IFNAR1: variants seen among roughly 807,000 people sequenced by gnomAD.
IFNAR1 encodes the protein interferon alpha/beta receptor 1.
In IFNAR1, 47 loss-of-function variants were observed where a neutral mutation model predicts 62.1. The observed-to-expected ratio is 0.76, with a 90% CI of 0.60 to 0.97. The LOEUF (loss-of-function observed/expected upper bound fraction) is 0.97. Among genes scored for constraint, IFNAR1 ranks in the 50% least tolerant of loss-of-function variants. IFNAR1 has a pLI of 0.00. For synonymous variants in IFNAR1, 219 were observed against 226.9 expected (o/e 0.97, Z 0.31); for missense variants, 638 against 654.5 (o/e 0.97, Z 0.27).
At chr21:33,347,689 T>A (rs187143793) in intron 6 of IFNAR1, among the ~76,000 whole-genome samples, 1 of 152,210 alleles carries the variant, frequency 6.6e-6, no homozygotes, top group East Asian at 1.9e-4. Context: ...TGCCACTTAA[T>A]GTAACCTAAT....
rs964870893 is a variant in IFNAR1 at position 33,358,620 on chromosome 21, C to T, written c.*3071C>T. The T allele has an allele frequency of 2.0e-5, 3 of 151,970 alleles. No homozygotes were observed. Among genetic ancestry groups the T allele is most frequent in the African/African-American group, 7.2e-5 (3 of 41,386 alleles). 9.4% of individuals were successfully genotyped at this position (151,970 alleles called of 1,614,324 possible). On this transcript the variant is annotated 3_prime_UTR_variant, in exon 11 of 11. Transcript: ENST00000270139. ...AAGTACTTATTCATATACCTTGTAA[C>T]TAAAAATTAGAACAGCTCCCTAGAA...
At chr21:33,349,009 AC>A in intron 6 of IFNAR1, 81 bp from the exon 7 acceptor site, 1 of 802,408 alleles carries the variant, frequency 1.2e-6, no homozygotes, top group Non-Finnish European at 2.0e-6. Flanking sequence ...TATTTCTGTA[AC>A]CTTAGCCCCT....
At position 33,349,161 on chromosome 21, in the gene IFNAR1, A is replaced by G; in HGVS notation, c.859A>G (p.Lys287Glu). The G allele has an allele frequency of 6.2e-7, 1 of 1,613,258 alleles. No individual in the cohort carries two copies. Among genetic ancestry groups the G allele is most frequent in the Non-Finnish European group, 8.5e-7 (1 of 1,179,360 alleles). The change falls in exon 7 of 11, where the codon AAA becomes GAA. Residue 287 changes from lysine to glutamate, a missense_variant. Lys to Glu is a moderately conservative substitution (Grantham distance 56). Transcript: ENST00000270139. Reference protein sequence around the residue: ...WKQIPDCENVKTTQCVFPQNV... With the variant: ...WKQIPDCENVETTQCVFPQNV... ...ACAAATACCTGACTGTGAAAATGTCAAAACTACCCAGTGTGTCTTTCCTCA... is the reference window on the plus strand; with the variant it reads ...ACAAATACCTGACTGTGAAAATGTCGAAACTACCCAGTGTGTCTTTCCTCA...
At chr21:33,330,604 C>T (rs1345802291) in intron 1 of IFNAR1, among the ~76,000 whole-genome samples, 1 of 152,060 alleles carries the variant, frequency 6.6e-6, no homozygotes, top group Non-Finnish European at 1.5e-5. Context: ...ACTAGAAGCC[C>T]CTTCTGCTCA....
intron 6 of IFNAR1, among the ~76,000 whole-genome samples, chr21:33,348,323 C>A (rs1165425085): frequency 6.6e-6 from 1 of 152,154 alleles, no homozygotes; most frequent in Admixed American, 6.5e-5. Flanking sequence ...CACTTTCAAG[C>A]CACCAGCCTG....
At chr21:33,342,725 C>T (rs1242889616) in intron 3 of IFNAR1, among the ~76,000 whole-genome samples, 5 of 148,100 alleles carry the variant, frequency 3.4e-5, no homozygotes, top group African/African-American at 1.2e-4. Context: ...GGCATGGTGG[C>T]GGGAGCCTGT....
At chr21:33,324,696 A>C, upstream of IFNAR1, 5 of 253,906 alleles carry the variant, frequency 2.0e-5, no homozygotes, top group East Asian at 1.6e-4. Flanking sequence ...TCGTCCTGGA[A>C]TGCGATGGTG....
At chr21:33,337,905 T>C (rs1293083127) in intron 2 of IFNAR1, among the ~76,000 whole-genome samples, 2 of 152,202 alleles carry the variant, frequency 1.3e-5, no homozygotes, top group African/African-American at 4.8e-5. Context: ...GTTTTGTTTT[T>C]TCCCTTAGTT....
intron 1 of IFNAR1, among the ~76,000 whole-genome samples, chr21:33,332,946 A>C (rs2083195864): frequency 6.6e-6 from 1 of 152,246 alleles, no homozygotes; most frequent in African/African-American, 2.4e-5. Context: ...TTAATGAAAT[A>C]ATAGCTGAAA....
rs992006039 is a variant in IFNAR1, at chr21:33,335,488, T to G, written c.77-36T>G. ...TAACATTTAGAATATCTGTACAGTT[T>G]GTATATAATGTTCTTATTTCTTGTT... On this transcript the variant is annotated intron_variant, in intron 1 of 10. Transcript: ENST00000270139. 1.0e-5 allele frequency: 13 copies of G among 1,267,194 alleles called. No individual in the cohort carries two copies. The African/African-American group carries it at 1.6e-4, about 16-fold the overall frequency. The allele number at this position is 1,267,194 out of a possible 1,614,324, so 78.5% of individuals were successfully genotyped here.
chr21:33,330,653 A>G (rs2083168800), intron 1 of IFNAR1, among the ~76,000 whole-genome samples: 1 of 152,160 alleles, frequency 6.6e-6, no homozygotes, highest in Non-Finnish European at 1.5e-5. Context: ...ATAAACAACT[A>G]CATTTTAGCA....
intron 6 of IFNAR1, among the ~76,000 whole-genome samples, chr21:33,348,144 G>C (rs1429327064): frequency 6.6e-6 from 1 of 152,192 alleles, no homozygotes; most frequent in Non-Finnish European, 1.5e-5. Flanking sequence ...AACCTCTTTA[G>C]TCTCGTACTT....
intron 2 of IFNAR1, 79 bp from the exon 3 acceptor site, chr21:33,340,920 T>A: frequency 2.2e-6 from 2 of 895,650 alleles, no homozygotes; most frequent in Non-Finnish European, 3.6e-6. Context: ...AAATAACTCT[T>A]ATACCAGTAA....
At chr21:33,331,436 C>T (rs1207161956) in intron 1 of IFNAR1, among the ~76,000 whole-genome samples, 1 of 152,172 alleles carries the variant, frequency 6.6e-6, no homozygotes, top group Non-Finnish European at 1.5e-5. Flanking sequence ...GATGTAGTAT[C>T]CTATGTCTCA....
intron 1 of IFNAR1, among the ~76,000 whole-genome samples, chr21:33,332,615 T>C (rs1177337183): frequency 6.6e-6 from 1 of 152,084 alleles, no homozygotes; most frequent in Non-Finnish European, 1.5e-5. Flanking sequence ...ATACAGATAG[T>C]TCAATGAATC....
intron 1 of IFNAR1, among the ~76,000 whole-genome samples, chr21:33,327,962 AG>A (rs1338366303): frequency 1.3e-5 from 2 of 152,208 alleles, no homozygotes; most frequent in Admixed American, 1.3e-4. Context: ...GGATGTCCTA[AG>A]GGGTTGTGGA....
chr21:33,324,746 A>C, upstream of IFNAR1: 8 of 428,170 alleles, frequency 1.9e-5, no homozygotes, highest in Non-Finnish European at 2.6e-5. Context: ...AGAGTGAGGA[A>C]GAAGAGAATG....
chr21:33,326,703 T>C (rs2083130112), intron 1 of IFNAR1, among the ~76,000 whole-genome samples: 1 of 152,194 alleles, frequency 6.6e-6, no homozygotes, highest in East Asian at 1.9e-4. Flanking sequence ...AGCCATTCGT[T>C]TGGAAGAGGG....
intron 6 of IFNAR1, among the ~76,000 whole-genome samples, chr21:33,347,605 C>G (rs926698717): frequency 6.6e-6 from 1 of 152,098 alleles, no homozygotes; most frequent in Non-Finnish European, 1.5e-5. Flanking sequence ...TTAGGTCAGG[C>G]CCACCCAGAA....
Sources: gnomAD v4.1 joint callset for allele counts (sites outside exome capture counted in the v4.1 genomes callset) on GRCh38, gnomAD v4.1.1 for gene constraint, MANE v1.5 for transcripts, NCBI Gene and HGNC (gene_info 2026-07-23, HGNC 2026-07-21) for gene names.